The following RAB11FIP3 variants were observed in gnomAD, a reference collection of about 807,000 sequenced individuals.
The protein encoded by RAB11FIP3 is rab11 family-interacting protein 3.
Under a neutral mutation model 77.8 loss-of-function variants are expected in RAB11FIP3, and 17 were observed. The ratio of observed to expected loss-of-function variants is 0.22; its 90% confidence interval spans 0.15 to 0.33. The LOEUF (loss-of-function observed/expected upper bound fraction) is 0.33. Among genes scored for constraint, RAB11FIP3 ranks in the 10% least tolerant of loss-of-function variants. The pLI is 1.00. For missense variants in RAB11FIP3, 1,005 were observed against 1,011.2 expected (o/e 0.99, Z 0.08); for synonymous variants, 437 against 448.2 (o/e 0.98, Z 0.31).
rs2032735391 is a variant in RAB11FIP3, at chr16:522,266, A to C, written c.*1427A>C. 6.8e-6 allele frequency: 1 copy of C among 147,192 alleles called. No homozygotes were observed. The highest frequency in any genetic ancestry group is 1.5e-5 in the Non-Finnish European group (1 of 66,992). The allele number at this position is 147,192 out of a possible 1,614,324, so 9.1% of individuals were successfully genotyped here. ...ATGAAATATATATATATATATATAT[A>C]TATATATGTATAATATATAAAGACT... On this transcript the variant is annotated 3_prime_UTR_variant, in exon 14 of 14. Transcript: ENST00000262305.
chr16:431,259 A>G (rs2055030882), intron 1 of RAB11FIP3, among the ~76,000 whole-genome samples: 1 of 152,196 alleles, frequency 6.6e-6, no homozygotes, highest in Non-Finnish European at 1.5e-5. Context: ...TTCTGGGTCT[A>G]CATGCTGACT....
intron 1 of RAB11FIP3, among the ~76,000 whole-genome samples, chr16:437,673 T>A (rs2141853141): frequency 6.6e-6 from 1 of 151,752 alleles, no homozygotes; most frequent in African/African-American, 2.4e-5. Context: ...ACTGAACTGA[T>A]AACTATATGT....
At chr16:511,347 T>C (rs1227421925) in intron 9 of RAB11FIP3, among the ~76,000 whole-genome samples, 177 of 44,618 alleles carry the variant, frequency 4.0e-3, no homozygotes, top group African/African-American at 5.7e-3. Flanking sequence ...GAGAGGTTCC[T>C]GACGGCCCGC....
rs1469430018 is a variant in RAB11FIP3 at position 425,700 on chromosome 16, C to T, written c.-307C>T. The T allele has an allele frequency of 7.1e-6, 2 of 282,474 alleles. No individual in the cohort carries two copies. The highest frequency in any genetic ancestry group is 4.5e-5 in the African/African-American group (2 of 44,298). 17.5% of individuals were successfully genotyped at this position (282,474 alleles called of 1,614,324 possible). ...TCACAGGCTCCGCGGCCTCCGGCCT[C>T]CTCGGCCCCCGTCCCCCGGCCTCCT... On this transcript the variant is annotated 5_prime_UTR_variant, in exon 1 of 14. Coordinates refer to ENST00000262305, the MANE Select transcript of RAB11FIP3 (RefSeq NM_014700.4).
At chr16:475,712 G>T (rs1466384004) in intron 3 of RAB11FIP3, among the ~76,000 whole-genome samples, 2 of 152,308 alleles carry the variant, frequency 1.3e-5, no homozygotes, top group East Asian at 3.9e-4. Context: ...TGGCATGGAA[G>T]TGGACGTCCA....
At chr16:443,732 A>AT (rs2055264393) in intron 1 of RAB11FIP3, among the ~76,000 whole-genome samples, 1 of 152,078 alleles carries the variant, frequency 6.6e-6, no homozygotes, top group Non-Finnish European at 1.5e-5. Context: ...CGCCCGGCTA[A>AT]TTTTTGTACT....
chr16:481,088 C>T lies in RAB11FIP3; in HGVS notation c.904-1437C>T, dbSNP rs1473853331. On this transcript the variant is annotated intron_variant, in intron 3 of 13. Transcript: ENST00000262305. ...CCTCCCAAAGTGCTGGGATTACAGT[C>T]GTGAGCCATTGCGGCCAGCTGTTAT... Among the ~76,000 whole-genome samples the T allele has an allele frequency of 4.6e-5, 7 of 151,420 alleles. 1 individual carries two copies. The highest frequency in any genetic ancestry group is 2.6e-4 in the Admixed American group (4 of 15,176).
At chr16:513,389 T>C (rs1286616515) in intron 9 of RAB11FIP3, among the ~76,000 whole-genome samples, 1 of 152,160 alleles carries the variant, frequency 6.6e-6, no homozygotes, top group East Asian at 1.9e-4. Flanking sequence ...CTGGCTAACT[T>C]TTCTTTTTTG....
At chr16:498,820 G>A in intron 6 of RAB11FIP3, among the ~76,000 whole-genome samples, 1 of 145,832 alleles carries the variant, frequency 6.9e-6, no homozygotes, top group East Asian at 1.9e-4. Context: ...TCCATTTTCT[G>A]TCATTTTAGG....
chr16:482,308 G>A lies in RAB11FIP3; in HGVS notation c.904-217G>A, dbSNP rs1423958144. ...TGGGTTCAAGCGATCCACCCACCGA[G>A]GCCTCCGAAAGTACTGGGATTACAG... On this transcript the variant is annotated intron_variant, in intron 3 of 13. Coordinates refer to ENST00000262305, the MANE Select transcript of RAB11FIP3 (RefSeq NM_014700.4). 50 of 690,212 alleles carry A rather than the reference G, an allele frequency of 7.2e-5. 1 individual carries two copies. Among genetic ancestry groups the A allele is most frequent in the South Asian group, 7.1e-4 (47 of 66,338 alleles). The allele number at this position is 690,212 out of a possible 1,614,324, so 42.8% of individuals were successfully genotyped here.
intron 1 of RAB11FIP3, among the ~76,000 whole-genome samples, chr16:437,646 A>C (rs1057076826): frequency 4.0e-5 from 6 of 151,496 alleles, no homozygotes; most frequent in African/African-American, 9.7e-5. Flanking sequence ...GTTGAAGATG[A>C]GAGACGTGCC....
rs369288791 is a variant in RAB11FIP3 at position 507,828 on chromosome 16, C to T, written c.1499+2201C>T. 6.6e-6 allele frequency among the ~76,000 whole-genome samples: 1 copy of T among 152,132 alleles called. No homozygotes were observed. Among genetic ancestry groups the T allele is most frequent in the East Asian group, 1.9e-4 (1 of 5,204 alleles). ...GCTGCCATCCTAAGAGTACGTTTCC[C>T]GTTTTCAGTATCATCTGCCCGTTCT... On this transcript the variant is annotated intron_variant, in intron 8 of 13. Coordinates refer to ENST00000262305, the MANE Select transcript of RAB11FIP3 (RefSeq NM_014700.4). This position sits in a 1 kb window ranked among gnomAD's most constrained non-coding sequence, Gnocchi z 4.6.
chr16:497,216 G>A, intron 6 of RAB11FIP3: 5 of 1,254,216 alleles, frequency 4.0e-6, no homozygotes, highest in South Asian at 2.5e-5. Context: ...CCGGGTCTGG[G>A]CAGCTCCCCA....
At chr16:445,160 C>T (rs139566414) in intron 1 of RAB11FIP3, among the ~76,000 whole-genome samples, 59 of 141,560 alleles carry the variant, frequency 4.2e-4, no homozygotes, top group Admixed American at 5.8e-4. Flanking sequence ...AGGCTGGGTG[C>T]GGTGGCTCAC....
At chr16:436,234 G>A (rs1015615412) in intron 1 of RAB11FIP3, among the ~76,000 whole-genome samples, 1 of 152,126 alleles carries the variant, frequency 6.6e-6, no homozygotes, top group Admixed American at 6.6e-5. Flanking sequence ...GCTTGAATCC[G>A]AGAGGCGGAG....
chr16:469,893 C>A (rs1013329969), intron 2 of RAB11FIP3, among the ~76,000 whole-genome samples: 4 of 152,158 alleles, frequency 2.6e-5, no homozygotes, highest in Non-Finnish European at 5.9e-5. Context: ...GTGGTGCAGT[C>A]TTGGCCAACT....
chr16:469,777 A>C (rs1439512417), intron 2 of RAB11FIP3, among the ~76,000 whole-genome samples: 1 of 152,130 alleles, frequency 6.6e-6, no homozygotes, highest in African/African-American at 2.4e-5. Flanking sequence ...CTCTAGTGTC[A>C]GTCTTCCAAA....
intron 1 of RAB11FIP3, among the ~76,000 whole-genome samples, chr16:431,265 T>C (rs1035262920): frequency 2.6e-5 from 4 of 152,176 alleles, no homozygotes; most frequent in African/African-American, 9.7e-5. Flanking sequence ...GTCTACATGC[T>C]GACTGAATTG....
intron 9 of RAB11FIP3, among the ~76,000 whole-genome samples, chr16:515,684 C>T (rs1190178866): frequency 1.3e-5 from 2 of 150,072 alleles, no homozygotes; most frequent in Non-Finnish European, 3.0e-5. Flanking sequence ...AGCAGCCACA[C>T]GGGCGACACG....
Sources: gnomAD v4.1 joint callset for allele counts (sites outside exome capture counted in the v4.1 genomes callset) on GRCh38, gnomAD v4.1.1 for gene constraint, Gnocchi (gnomAD v3.1) non-coding constraint, MANE v1.5 for transcripts, NCBI Gene and HGNC (gene_info 2026-07-23, HGNC 2026-07-21) for gene names.